Variants in XKR7 observed in about 807,000 individuals in gnomAD.
The protein encoded by XKR7 is XK-related protein 7.
In XKR7, 11 loss-of-function variants were observed where a neutral mutation model predicts 42.2. That is an observed-to-expected ratio of 0.26 (90% confidence interval 0.16 to 0.43). The LOEUF (loss-of-function observed/expected upper bound fraction) is 0.43. XKR7 is among the 20% of genes least tolerant of loss of function. The pLI is 1.00. For missense variants in XKR7, 710 were observed against 802.2 expected (o/e 0.89, Z 1.39); for synonymous variants, 346 against 366.4 (o/e 0.94, Z 0.64).
intron 1 of XKR7, among the ~76,000 whole-genome samples, chr20:31,993,051 G>A (rs755204976): frequency 7.4e-4 from 113 of 151,896 alleles, no homozygotes; most frequent in Non-Finnish European, 1.3e-3. Flanking sequence ...TCAGATCCAG[G>A]CAGCGGGGTC....
In XKR7 at chr20:31,968,876, C is replaced by A. The variant is rs79908241; in HGVS notation, c.584+117C>A. ...GCTACCCTCCTGTCCTGACCTCCCC[C>A]CCTCCCCACCCCATTGCAGCTCTAA... is the stretch of plus-strand genomic sequence containing the variant. On this transcript the variant is annotated intron_variant, in intron 1 of 2. Transcript: ENST00000562532. The surrounding 1 kb of genome is among the most constrained non-coding windows in gnomAD (Gnocchi z 4.5). 26 of 1,376,702 alleles carry A rather than the reference C, an allele frequency of 1.9e-5. No homozygotes were observed. Among genetic ancestry groups the A allele is most frequent in the Admixed American group, 9.0e-5 (3 of 33,150 alleles). 85.3% of individuals were successfully genotyped at this position (1,376,702 alleles called of 1,614,324 possible).
At chr20:31,970,596 G>A (rs1018820485) in intron 1 of XKR7, 1 of 152,222 alleles carries the variant, frequency 6.6e-6, no homozygotes, top group Non-Finnish European at 1.5e-5. Context: ...AATGTGGCTT[G>A]TGGAAGTGTT....
At chr20:31,988,405 C>G (rs1460745796) in intron 1 of XKR7, among the ~76,000 whole-genome samples, 1 of 152,078 alleles carries the variant, frequency 6.6e-6, no homozygotes, top group East Asian at 1.9e-4. Flanking sequence ...TTCACAGAGG[C>G]AGTGGGGTTC....
chr20:31,983,745 G>C (rs983839837), intron 1 of XKR7, among the ~76,000 whole-genome samples: 11 of 152,160 alleles, frequency 7.2e-5, no homozygotes, highest in African/African-American at 2.7e-4. Context: ...TCAGGAGTTC[G>C]AGACCATCCT....
rs953370343 is a variant in XKR7 at position 31,996,890 on chromosome 20, C to T, written c.1173C>T (p.Val391=). The T allele has an allele frequency of 3.7e-6, 6 of 1,613,816 alleles. No homozygotes were observed. In the Admixed American group the frequency reaches 6.7e-5, roughly 18 times the overall value. ...GCATGACCCTCTACCACTGCATCGT[C>T]CTGCTGGAGAACGCCGCGCTCACCG... is the stretch of plus-strand genomic sequence containing the variant. ...RRRMTLYHCI[V]LLENAALTGF... Residue 391 remains valine (V), a synonymous_variant, in exon 3 of 3, where the codon GTC becomes GTT. Coordinates refer to ENST00000562532, the MANE Select transcript of XKR7 (RefSeq NM_001011718.2).
intron 1 of XKR7, among the ~76,000 whole-genome samples, chr20:31,978,324 G>T (rs1279621071): frequency 6.6e-6 from 1 of 152,184 alleles, no homozygotes; most frequent in African/African-American, 2.4e-5. Context: ...TGCCCAGGCT[G>T]GTCTTGAACT....
chr20:31,979,691 C>G (rs867913699), intron 1 of XKR7, among the ~76,000 whole-genome samples: 1 of 152,110 alleles, frequency 6.6e-6, no homozygotes, highest in Non-Finnish European at 1.5e-5. Context: ...GGGGCAGATA[C>G]AAGTGATGTT....
intron 1 of XKR7, chr20:31,970,432 G>C (rs931093686): frequency 1.3e-5 from 2 of 152,206 alleles, no homozygotes; most frequent in African/African-American, 2.4e-5. Flanking sequence ...GGGGTCCCAG[G>C]GGAGTAGCTA....
chr20:31,968,876 C>G lies in XKR7; in HGVS notation c.584+117C>G, dbSNP rs79908241. 2.9e-3 allele frequency: 3,931 copies of G among 1,376,808 alleles called. 102 individuals are homozygous for G. In the African/African-American group the frequency reaches 0.052, roughly 18 times the overall value. The allele number at this position is 1,376,808 out of a possible 1,614,324, so 85.3% of individuals were successfully genotyped here. On this transcript the variant is annotated intron_variant, in intron 1 of 2. Coordinates refer to ENST00000562532, the MANE Select transcript of XKR7 (RefSeq NM_001011718.2). This position sits in a 1 kb window ranked among gnomAD's most constrained non-coding sequence, Gnocchi z 4.5. ...GCTACCCTCCTGTCCTGACCTCCCCCCCTCCCCACCCCATTGCAGCTCTAA... is the reference window on the plus strand; with the variant it reads ...GCTACCCTCCTGTCCTGACCTCCCCGCCTCCCCACCCCATTGCAGCTCTAA...
At chr20:31,986,468 A>G (rs1453844072) in intron 1 of XKR7, among the ~76,000 whole-genome samples, 1 of 139,166 alleles carries the variant, frequency 7.2e-6, no homozygotes, top group African/African-American at 2.7e-5. Context: ...CATCCAAGAC[A>G]CAGACAGACA....
At chr20:31,991,729 T>G (rs1410963508) in intron 1 of XKR7, among the ~76,000 whole-genome samples, 1 of 152,216 alleles carries the variant, frequency 6.6e-6, no homozygotes, top group African/African-American at 2.4e-5. Context: ...AAATGCCAAA[T>G]TCTTTCAGGC....
At chr20:31,992,132 C>CAAAACA (rs1472010528) in intron 1 of XKR7, among the ~76,000 whole-genome samples, 11 of 152,046 alleles carry the variant, frequency 7.2e-5, no homozygotes, top group Non-Finnish European at 1.3e-4. Flanking sequence ...CAAAACAAAA[C>CAAAACA]AAAACAAAAA....
rs114208013 is a variant in XKR7 at position 31,968,611 on chromosome 20, G to A, written c.436G>A (p.Gly146Ser). 2.4e-3 allele frequency: 3,826 copies of A among 1,603,618 alleles called. 80 individuals carry two copies. The African/African-American group carries it at 0.044, about 18-fold the overall frequency. The change falls in exon 1 of 3, where the codon GGC becomes AGC. Residue 146 changes from glycine to serine, a missense_variant. Physicochemically the swap from Gly to Ser is moderately conservative, Grantham distance 56. Around this residue, in one of 2 missense-constraint regions of XKR7, gnomAD observed 708 missense variants for 786.2 expected, o/e 0.90. Transcript: ENST00000562532. This position sits in a 1 kb window ranked among gnomAD's most constrained non-coding sequence, Gnocchi z 4.5. The stretch of plus-strand genomic sequence containing the variant: ...CGCCATCAGCACCAAGGACAGCGCC[G>A]GCGCCTTCCGGACCAAAGAAGGCAG... Reference protein sequence around the residue: ...GAAISTKDSAGAFRTKEGSPE... With the variant: ...GAAISTKDSASAFRTKEGSPE...
At position 31,995,294 on chromosome 20, in the gene XKR7, G is replaced by A. The variant is rs1443521744; in HGVS notation, c.787+24G>A. ...GGGTGAGCCCGCCCCTTCACCCTCT[G>A]CGCCTGGGACCACCCCACCGGGCCT... On this transcript the variant is annotated intron_variant, in intron 2 of 2. Transcript: ENST00000562532. The surrounding 1 kb of genome is among the most constrained non-coding windows in gnomAD (Gnocchi z 4.1). 3.9e-6 allele frequency: 6 copies of A among 1,532,844 alleles called. No individual in the cohort carries two copies. In the East Asian group the frequency reaches 1.5e-4, roughly 38 times the overall value. The allele number at this position is 1,532,844 out of a possible 1,614,324, so 95.0% of individuals were successfully genotyped here.
intron 1 of XKR7, among the ~76,000 whole-genome samples, chr20:31,984,907 G>A (rs536134282): frequency 1.6e-4 from 25 of 152,326 alleles, no homozygotes; most frequent in Middle Eastern, 6.8e-3. Context: ...GACTTGGGAC[G>A]AGTCCTGGTC....
Position 31,995,389 on chromosome 20 carries a change from C to T in XKR7, c.787+119C>T. On this transcript the variant is annotated intron_variant, in intron 2 of 2. Coordinates refer to ENST00000562532, the MANE Select transcript of XKR7 (RefSeq NM_001011718.2). This position sits in a 1 kb window ranked among gnomAD's most constrained non-coding sequence, Gnocchi z 4.1. ...CACCCCAGCTCAGGGCTCACTCAGT[C>T]AGGGTTTAGGGAGGCCTGCCCCTTC... 6.7e-7 allele frequency: 1 copy of T among 1,488,210 alleles called. No individual in the cohort carries two copies. The highest frequency in any genetic ancestry group is 8.9e-7 in the Non-Finnish European group (1 of 1,123,478). The allele number at this position is 1,488,210 out of a possible 1,614,324, so 92.2% of individuals were successfully genotyped here.
intron 1 of XKR7, among the ~76,000 whole-genome samples, chr20:31,980,704 G>A (rs917010313): frequency 6.6e-6 from 1 of 152,134 alleles, no homozygotes; most frequent in African/African-American, 2.4e-5. Flanking sequence ...CTGACATGCA[G>A]AAGTGGTATC....
chr20:31,989,312 T>G (rs1306811522), intron 1 of XKR7, among the ~76,000 whole-genome samples: 1 of 148,050 alleles, frequency 6.8e-6, no homozygotes, highest in Admixed American at 6.7e-5. Flanking sequence ...CAGGAACAAG[T>G]GGGACAGTGG....
At chr20:31,987,176 C>A (rs2064546002) in intron 1 of XKR7, among the ~76,000 whole-genome samples, 1 of 149,386 alleles carries the variant, frequency 6.7e-6, no homozygotes. Flanking sequence ...GACAACAGAC[C>A]TCAAAGCGGG....
Sources: gnomAD v4.1 joint callset for allele counts (sites outside exome capture counted in the v4.1 genomes callset) on GRCh38, gnomAD v4.1.1 for gene constraint, gnomAD v4.1.1 regional missense constraint, Gnocchi (gnomAD v3.1) non-coding constraint, MANE v1.5 for transcripts, NCBI Gene and HGNC (gene_info 2026-07-23, HGNC 2026-07-21) for gene names.